Variants in TMEM182 observed in about 807,000 individuals in gnomAD.
TMEM182 encodes the protein transmembrane protein 182.
TMEM182 carries 20 observed loss-of-function variants against 26.8 expected under a neutral mutation model. That is an observed-to-expected ratio of 0.75 (90% CI 0.53 to 1.09). The LOEUF (loss-of-function observed/expected upper bound fraction) is 1.09, where lower values mean the gene tolerates loss of function less well. Among genes scored for constraint, TMEM182 ranks in the 50% least tolerant of loss-of-function variants. The probability of loss-of-function intolerance (pLI) is 0.00; values close to 1 mark genes in which losing one functional copy is unlikely to be tolerated. For synonymous variants in TMEM182, 109 were observed against 102.2 expected, an observed-to-expected ratio of 1.07 and a Z score of -0.40; for missense variants, 277 against 275.5, an observed-to-expected ratio of 1.01 and a Z score of -0.04.
At chr2:102,842,081 T>C (rs1171143201) in intron 3 of TMEM182, among the ~76,000 whole-genome samples, 7 of 152,192 alleles carry the variant, frequency 4.6e-5, no homozygotes, top group African/African-American at 1.7e-4. Context: ...GTTTATATAG[T>C]ATTACCCATA....
intron 1 of TMEM182, among the ~76,000 whole-genome samples, chr2:102,741,345 G>T (rs377566306): frequency 6.6e-6 from 1 of 152,234 alleles, no homozygotes; most frequent in African/African-American, 2.4e-5. Flanking sequence ...TGGATGTTAC[G>T]TACAGAAGAT....
intron 1 of TMEM182, among the ~76,000 whole-genome samples, chr2:102,740,822 C>T (rs1573478345): frequency 6.6e-6 from 1 of 152,112 alleles, no homozygotes; most frequent in Non-Finnish European, 1.5e-5. Context: ...AAATATTCAT[C>T]GACAGGTGAA....
chr2:102,823,584 C>A (rs867899999), intron 3 of TMEM182, among the ~76,000 whole-genome samples: 14 of 152,130 alleles, frequency 9.2e-5, no homozygotes, highest in African/African-American at 3.4e-4. Context: ...CCGCCCACCT[C>A]GGCCTCCCAA....
chr2:102,817,410 G>A lies in TMEM182; in HGVS notation c.*2442G>A, dbSNP rs955757793. 2.0e-6 allele frequency: 2 copies of A among 985,226 alleles called. No homozygotes were observed. Among genetic ancestry groups the A allele is most frequent in the African/African-American group, 3.5e-5 (2 of 57,222 alleles). The allele number at this position is 985,226 out of a possible 1,614,324, so 61.0% of individuals were successfully genotyped here. A position where few individuals can be genotyped will look rare whatever the true frequency, so the allele number is the denominator to read the frequency against. ...GGCAGTGAGTTATGCTCTTGGACTT[G>A]GTGAAAGCTATCATCTCTCCATATT... is the stretch of plus-strand genomic sequence containing the variant. On this transcript the variant is annotated 3_prime_UTR_variant, in exon 5 of 5. Transcript: ENST00000412401.
intron 4 of TMEM182, among the ~76,000 whole-genome samples, chr2:102,814,464 G>A (rs1461513976): frequency 3.3e-5 from 5 of 152,104 alleles, no homozygotes; most frequent in Non-Finnish European, 5.9e-5. Context: ...ATTCACTAAT[G>A]TTCACAAGCA....
intron 3 of TMEM182, among the ~76,000 whole-genome samples, chr2:102,786,933 C>T (rs865978332): frequency 1.3e-5 from 2 of 152,160 alleles, no homozygotes; most frequent in Non-Finnish European, 1.5e-5. Flanking sequence ...ATTCAGTTAG[C>T]GCTGACCTTC....
chr2:102,776,017 G>GT lies in TMEM182; in HGVS notation c.331+11596dup, dbSNP rs1468036266. Among the ~76,000 whole-genome samples the GT allele has an allele frequency of 8.6e-5, 13 of 152,042 alleles. 1 individual carries two copies. The South Asian group carries it at 1.0e-3, about 12-fold the overall frequency. On this transcript the variant is annotated intron_variant, in intron 3 of 4. Transcript: ENST00000412401. ...TGCTAGTATATAGAAATGAAATTCA[G>GT]TTTTTTAAAAAAAGAATAAGACTTT...
intron 4 of TMEM182, among the ~76,000 whole-genome samples, chr2:102,799,630 G>A (rs776970181): frequency 6.6e-6 from 1 of 152,202 alleles, no homozygotes; most frequent in Non-Finnish European, 1.5e-5. Flanking sequence ...GGAACCCAGC[G>A]AGGCCTGTCC....
At chr2:102,764,511 T>TA in intron 3 of TMEM182, 84 bp downstream of exon 3, 1 of 1,115,532 alleles carries the variant, frequency 9.0e-7, no homozygotes, top group South Asian at 1.8e-5. Context: ...TGTGAGCAAT[T>TA]AAAAAAATAA....
At chr2:102,800,440 C>G (rs899793169) in intron 4 of TMEM182, among the ~76,000 whole-genome samples, 2 of 151,982 alleles carry the variant, frequency 1.3e-5, no homozygotes, top group African/African-American at 4.8e-5. Flanking sequence ...AATTATCATC[C>G]CTCTGCTTGA....
chr2:102,812,786 C>T (rs930005482), intron 4 of TMEM182, among the ~76,000 whole-genome samples: 3 of 152,146 alleles, frequency 2.0e-5, no homozygotes, highest in African/African-American at 7.2e-5. Context: ...AAGATAAAAA[C>T]CATATCAGCA....
At chr2:102,786,659 T>A (rs1443602446) in intron 3 of TMEM182, among the ~76,000 whole-genome samples, 1 of 152,238 alleles carries the variant, frequency 6.6e-6, no homozygotes. Flanking sequence ...GATCCTGGAT[T>A]CATTTCCATT....
chr2:102,821,318 G>A (rs1216610677), downstream of TMEM182, among the ~76,000 whole-genome samples: 1 of 152,304 alleles, frequency 6.6e-6, no homozygotes, highest in East Asian at 1.9e-4. Context: ...GTTGGAGGTG[G>A]GGCTTTGTGG....
chr2:102,753,406 C>T (rs749543629), intron 1 of TMEM182, among the ~76,000 whole-genome samples: 7 of 152,152 alleles, frequency 4.6e-5, no homozygotes, highest in African/African-American at 7.2e-5. Flanking sequence ...GCTTATGGAT[C>T]TTGCTGTAGT....
At chr2:102,789,561 A>G (rs1295557016) in intron 3 of TMEM182, among the ~76,000 whole-genome samples, 1 of 152,184 alleles carries the variant, frequency 6.6e-6, no homozygotes, top group Non-Finnish European at 1.5e-5. Context: ...AGCTTATGTC[A>G]TCTCCATCCC....
At chr2:102,813,277 G>A (rs1026232325) in intron 4 of TMEM182, among the ~76,000 whole-genome samples, 1 of 152,138 alleles carries the variant, frequency 6.6e-6, no homozygotes, top group Non-Finnish European at 1.5e-5. Flanking sequence ...CCAGGAGAGA[G>A]AGGGCATCCT....
chr2:102,789,010 T>C (rs1310914846), intron 3 of TMEM182, among the ~76,000 whole-genome samples: 1 of 152,166 alleles, frequency 6.6e-6, no homozygotes, highest in Non-Finnish European at 1.5e-5. Context: ...AAGCAGTGTA[T>C]GGAGATGAAG....
intron 4 of TMEM182, among the ~76,000 whole-genome samples, chr2:102,812,850 T>A (rs1398093063): frequency 6.6e-6 from 1 of 152,224 alleles, no homozygotes; most frequent in Non-Finnish European, 1.5e-5. Flanking sequence ...ATTATGCAAA[T>A]GCCTAAGCCA....
intron 1 of TMEM182, among the ~76,000 whole-genome samples, chr2:102,738,139 G>C (rs1161504151): frequency 1.3e-5 from 2 of 152,166 alleles, no homozygotes; most frequent in Admixed American, 6.5e-5. Flanking sequence ...GAAATTTTGT[G>C]AGTAACTCAT....
Sources: allele counts gnomAD v4.1 joint callset (sites outside exome capture counted in the v4.1 genomes callset), GRCh38; gene constraint gnomAD v4.1.1; transcripts MANE v1.5; gene names NCBI Gene and HGNC (gene_info 2026-07-23, HGNC 2026-07-21).